The following SLC35F4 variants were observed in gnomAD, a reference collection of about 807,000 sequenced individuals.
The protein encoded by SLC35F4 is chromosome 14 open reading frame 36.
In SLC35F4, 24 loss-of-function variants were observed where a neutral mutation model predicts 44.2. That is an observed-to-expected ratio of 0.54 (90% CI 0.39 to 0.76). SLC35F4 has a LOEUF of 0.76. Ranked by LOEUF, SLC35F4 falls within the 30% of genes least tolerant of loss-of-function variation. The probability of loss-of-function intolerance (pLI) is 0.00; values close to 1 mark genes in which losing one functional copy is unlikely to be tolerated. For synonymous variants in SLC35F4, 238 were observed against 223.6 expected, an observed-to-expected ratio of 1.06 and a Z score of -0.57; for missense variants, 562 against 586.1, an observed-to-expected ratio of 0.96 and a Z score of 0.42.
At chr14:57,748,467 G>C (rs2076810917) in intron 1 of SLC35F4, among the ~76,000 whole-genome samples, 1 of 152,018 alleles carries the variant, frequency 6.6e-6, no homozygotes, top group South Asian at 2.1e-4. Context: ...ACCTGCATCA[G>C]AATCATCTGC....
rs866137918 is a variant in SLC35F4, at chr14:57,776,782, G to C, written c.103+88941C>G. On this transcript the variant is annotated intron_variant, in intron 1 of 7. Transcript: ENST00000556826. ...AGCAGAAACTCTATAAGCCAGAAGA[G>C]AGTGAGGGCCTATATTCAAGATTCT... is the stretch of plus-strand genomic sequence containing the variant. 6.6e-5 allele frequency among the ~76,000 whole-genome samples: 10 copies of C among 151,916 alleles called. No individual in the cohort carries two copies. In the South Asian group the frequency reaches 1.0e-3, roughly 16 times the overall value.
intron 1 of SLC35F4, among the ~76,000 whole-genome samples, chr14:57,779,109 A>T (rs183851363): frequency 4.0e-4 from 61 of 152,022 alleles, no homozygotes; most frequent in African/African-American, 1.2e-3. Context: ...AGAAGACAAA[A>T]AAAAATAATA....
Position 57,651,098 on chromosome 14 carries a change from G to T in SLC35F4, c.104-56974C>A, listed in dbSNP as rs116514512. 5.5e-3 allele frequency among the ~76,000 whole-genome samples: 839 copies of T among 152,152 alleles called. 6 individuals are homozygous for T. The highest frequency in any genetic ancestry group is 0.019 in the African/African-American group (792 of 41,506). On this transcript the variant is annotated intron_variant, in intron 1 of 7. Coordinates refer to ENST00000556826, the MANE Select transcript of SLC35F4 (RefSeq NM_001306087.2). ...ATTTTCCTCATCAGTGTGTTCACTG[G>T]TATAGTGCCTCCCTCTCCCATTAGG...
chr14:57,931,220 A>T (rs1435635313), intron 1 of SLC35F4, among the ~76,000 whole-genome samples: 4 of 152,218 alleles, frequency 2.6e-5, no homozygotes, highest in Non-Finnish European at 5.9e-5. Flanking sequence ...CTTCATTAGT[A>T]TCCAATTTCA....
chr14:57,577,659 G>GA (rs1453955628), intron 4 of SLC35F4, among the ~76,000 whole-genome samples: 2 of 147,704 alleles, frequency 1.4e-5, no homozygotes, highest in Non-Finnish European at 3.0e-5. Flanking sequence ...CCCTTGGGAA[G>GA]AACCTTTTTT....
At chr14:57,945,491 G>GTGTGTA (rs1878414069) in intron 1 of SLC35F4, among the ~76,000 whole-genome samples, 1 of 105,642 alleles carries the variant, frequency 9.5e-6, no homozygotes, top group Admixed American at 9.4e-5. Flanking sequence ...GTGTGTGTGT[G>GTGTGTA]TATCACATTT....
At chr14:57,678,871 T>C (rs2074793735) in intron 1 of SLC35F4, among the ~76,000 whole-genome samples, 1 of 152,018 alleles carries the variant, frequency 6.6e-6, no homozygotes, top group Non-Finnish European at 1.5e-5. Flanking sequence ...CCCAGATTCA[T>C]AAAGCAAGTT....
chr14:57,952,805 C>T (rs899569919), intron 1 of SLC35F4, among the ~76,000 whole-genome samples: 2 of 151,986 alleles, frequency 1.3e-5, no homozygotes, highest in African/African-American at 2.4e-5. Flanking sequence ...ACCAAATCAA[C>T]GTTTGATTAG....
chr14:57,831,657 G>A (rs1884385911), intron 1 of SLC35F4, among the ~76,000 whole-genome samples: 1 of 152,186 alleles, frequency 6.6e-6, no homozygotes, highest in East Asian at 1.9e-4. Context: ...ATATTACCAT[G>A]TAATCATTTC....
At chr14:57,968,104 T>TGAG (rs954499792) in intron 1 of SLC35F4, among the ~76,000 whole-genome samples, 2 of 152,224 alleles carry the variant, frequency 1.3e-5, no homozygotes, top group Admixed American at 1.3e-4. Flanking sequence ...CTGTAGAAAC[T>TGAG]GTCACCCTGA....
chr14:57,786,166 C>T (rs2077752222), intron 1 of SLC35F4, among the ~76,000 whole-genome samples: 1 of 152,096 alleles, frequency 6.6e-6, no homozygotes, highest in Non-Finnish European at 1.5e-5. Flanking sequence ...TCCCTGACAA[C>T]CTGCATGACT....
chr14:57,925,902 C>A (rs983077931), intron 1 of SLC35F4, among the ~76,000 whole-genome samples: 5 of 152,160 alleles, frequency 3.3e-5, no homozygotes, highest in African/African-American at 1.2e-4. Flanking sequence ...GTGCCACTTC[C>A]TGGGCATTTA....
chr14:57,868,467 A>C (rs1231542554), upstream of SLC35F4, among the ~76,000 whole-genome samples: 1 of 148,442 alleles, frequency 6.7e-6, no homozygotes, highest in East Asian at 2.0e-4. Flanking sequence ...AATTATTTTG[A>C]AGAAAGGATA....
At chr14:57,567,482 T>A (rs907845113) in intron 6 of SLC35F4, among the ~76,000 whole-genome samples, 1 of 152,218 alleles carries the variant, frequency 6.6e-6, no homozygotes, top group Non-Finnish European at 1.5e-5. Flanking sequence ...GTTCTTCTAT[T>A]GTCATCTGTA....
At chr14:57,770,384 G>A (rs1029726974) in intron 1 of SLC35F4, among the ~76,000 whole-genome samples, 2 of 152,218 alleles carry the variant, frequency 1.3e-5, no homozygotes, top group Admixed American at 6.5e-5. Context: ...TGTAGGGGTC[G>A]GGGAGTTGTT....
At chr14:57,670,188 A>G (rs1308696069) in intron 1 of SLC35F4, among the ~76,000 whole-genome samples, 1 of 152,060 alleles carries the variant, frequency 6.6e-6, no homozygotes, top group Non-Finnish European at 1.5e-5. Context: ...TCACTTTATC[A>G]TTTTTTATTG....
rs575513214 is a variant in SLC35F4 at position 57,586,694 on chromosome 14, G to A, written c.587+2522C>T. On this transcript the variant is annotated intron_variant, in intron 3 of 7. Coordinates refer to ENST00000556826, the MANE Select transcript of SLC35F4 (RefSeq NM_001306087.2). ...GATCACACCACTGCACTCCAGCCTG[G>A]GTGACAGAGCGAGACTCTGTCTCAA... Among the ~76,000 whole-genome samples the A allele has an allele frequency of 1.0e-4, 13 of 127,236 alleles. No homozygotes were observed. The South Asian group carries it at 3.2e-3, about 32-fold the overall frequency. The allele number at this position is 127,236 out of a possible 152,430, so 83.5% of individuals were successfully genotyped here.
intron 1 of SLC35F4, among the ~76,000 whole-genome samples, chr14:57,917,437 T>G (rs1889351572): frequency 6.6e-6 from 1 of 152,034 alleles, no homozygotes; most frequent in East Asian, 1.9e-4. Flanking sequence ...TTAATCACAG[T>G]TTTTTTTAAT....
chr14:57,630,595 C>G, intron 1 of SLC35F4: 2 of 884,086 alleles, frequency 2.3e-6, no homozygotes, highest in African/African-American at 1.6e-5. Context: ...AAAAAAGAAC[C>G]ACCTAGATCC....
Sources: gnomAD v4.1 joint callset for allele counts (sites outside exome capture counted in the v4.1 genomes callset) on GRCh38, gnomAD v4.1.1 for gene constraint, MANE v1.5 for transcripts, NCBI Gene and HGNC (gene_info 2026-07-23, HGNC 2026-07-21) for gene names.